Variants in NALCN observed in about 807,000 individuals in gnomAD.
NALCN encodes the protein sodium leak channel NALCN.
Under a neutral mutation model 225.3 loss-of-function variants are expected in NALCN, and 111 were observed. The observed-to-expected ratio is 0.49, with a 90% CI of 0.42 to 0.58. NALCN has a LOEUF of 0.58. Among genes scored for constraint, NALCN ranks in the 20% least tolerant of loss-of-function variants. The pLI is 0.00. For missense variants in NALCN, 1,378 were observed against 2,202.4 expected (o/e 0.63, Z 7.49); for synonymous variants, 764 against 769.0 (o/e 0.99, Z 0.11).
intron 10 of NALCN, among the ~76,000 whole-genome samples, chr13:101,262,382 T>G (rs1160003592): frequency 6.6e-6 from 1 of 152,154 alleles, no homozygotes; most frequent in Non-Finnish European, 1.5e-5. Context: ...AGAGAATACT[T>G]AAATGGAGAG....
chr13:101,128,465 C>T (rs1189372234), intron 17 of NALCN, among the ~76,000 whole-genome samples: 2 of 152,074 alleles, frequency 1.3e-5, no homozygotes, highest in Non-Finnish European at 2.9e-5. Flanking sequence ...GATTTTTTGG[C>T]GATGTCTTCT....
intron 10 of NALCN, among the ~76,000 whole-genome samples, chr13:101,277,483 C>T (rs770749799): frequency 1.1e-4 from 17 of 151,808 alleles, no homozygotes; most frequent in Non-Finnish European, 1.9e-4. Context: ...TCATTTATTC[C>T]GTGAGTCACC....
intron 22 of NALCN, 103 bp downstream of exon 22, chr13:101,107,384 T>G: frequency 6.4e-7 from 1 of 1,563,334 alleles, no homozygotes; most frequent in Non-Finnish European, 8.7e-7. Flanking sequence ...CAGTTTATTT[T>G]GTGACCCCAT....
At chr13:101,205,020 G>A (rs985883638) in intron 13 of NALCN, among the ~76,000 whole-genome samples, 1 of 152,096 alleles carries the variant, frequency 6.6e-6, no homozygotes, top group African/African-American at 2.4e-5. Flanking sequence ...CTTACAGGTA[G>A]CAAATGGTGT....
chr13:101,279,058 G>C (rs1463997749), intron 10 of NALCN, among the ~76,000 whole-genome samples: 2 of 152,160 alleles, frequency 1.3e-5, no homozygotes, highest in African/African-American at 4.8e-5. Flanking sequence ...AAGTGACCAT[G>C]ACTGGTATGG....
intron 18 of NALCN, among the ~76,000 whole-genome samples, chr13:101,117,203 G>A (rs1216704305): frequency 1.3e-5 from 2 of 152,172 alleles, no homozygotes; most frequent in African/African-American, 4.8e-5. Flanking sequence ...ATTGTAGGCA[G>A]AAAATAAAAT....
At chr13:101,236,269 G>A (rs1040270368) in intron 12 of NALCN, among the ~76,000 whole-genome samples, 1 of 152,190 alleles carries the variant, frequency 6.6e-6, no homozygotes, top group African/African-American at 2.4e-5. Context: ...AACAACAGGT[G>A]CTGGAGAGGA....
intron 7 of NALCN, among the ~76,000 whole-genome samples, chr13:101,338,004 C>T (rs1406617754): frequency 6.6e-6 from 1 of 152,144 alleles, no homozygotes; most frequent in Non-Finnish European, 1.5e-5. Context: ...GATGCAAAAC[C>T]TTTTCACTGG....
intron 34 of NALCN, among the ~76,000 whole-genome samples, chr13:101,080,854 T>C (rs948392093): frequency 1.3e-5 from 2 of 151,854 alleles, no homozygotes; most frequent in African/African-American, 4.8e-5. Flanking sequence ...TGTTAAGTGA[T>C]ATCTGTGGCC....
At chr13:101,301,443 C>A (rs1314543624) in intron 7 of NALCN, among the ~76,000 whole-genome samples, 2 of 152,158 alleles carry the variant, frequency 1.3e-5, no homozygotes, top group African/African-American at 2.4e-5. Flanking sequence ...AAAAGAAAGG[C>A]CGGGCGCAGT....
In NALCN at chr13:101,290,530, T is replaced by C. The variant is rs538039261; in HGVS notation, c.1047+1460A>G. Among the ~76,000 whole-genome samples, 3 of 152,350 alleles carry C rather than the reference T, an allele frequency of 2.0e-5. No homozygotes were observed. The South Asian group carries it at 6.2e-4, about 32-fold the overall frequency. On this transcript the variant is annotated intron_variant, in intron 9 of 43. Coordinates refer to ENST00000251127, the MANE Select transcript of NALCN (RefSeq NM_052867.4). ...AGGCTTTTCTACATGGCATTTCTGA[T>C]ATAACCTGGATAGCATATTCAAAAA...
At chr13:101,142,877 C>A (rs764912876) in intron 17 of NALCN, 247 of 636,168 alleles carry the variant, frequency 3.9e-4, no homozygotes, top group Admixed American at 6.2e-4. Context: ...TGGCGCAGCT[C>A]AAAAGCTTAC....
At chr13:101,195,504 T>C (rs997246314) in intron 13 of NALCN, among the ~76,000 whole-genome samples, 1 of 152,254 alleles carries the variant, frequency 6.6e-6, no homozygotes, top group Non-Finnish European at 1.5e-5. Flanking sequence ...AGTTTGACAC[T>C]TTCCTTGCTT....
chr13:101,187,384 T>C (rs947354387), intron 14 of NALCN, among the ~76,000 whole-genome samples: 1 of 152,158 alleles, frequency 6.6e-6, no homozygotes, highest in Admixed American at 6.6e-5. Context: ...AGGACTACTA[T>C]ATATACAATT....
intron 12 of NALCN, among the ~76,000 whole-genome samples, chr13:101,232,932 A>ATAATTCAGTACCTAAC (rs1419207337): frequency 6.6e-6 from 1 of 152,184 alleles, no homozygotes; most frequent in Non-Finnish European, 1.5e-5. Context: ...TCGGACATAA[A>ATAATTCAGTACCTAAC]TAATTCAGTA....
intron 22 of NALCN, among the ~76,000 whole-genome samples, chr13:101,106,760 T>A (rs1018721213): frequency 1.3e-5 from 2 of 152,226 alleles, no homozygotes; most frequent in Non-Finnish European, 2.9e-5. Flanking sequence ...CCACCATGAT[T>A]GAAAGGCTTC....
intron 10 of NALCN, among the ~76,000 whole-genome samples, chr13:101,278,675 G>T (rs2043045767): frequency 6.6e-6 from 1 of 152,114 alleles, no homozygotes; most frequent in African/African-American, 2.4e-5. Flanking sequence ...AGAAGTCAGG[G>T]TTATGTCCTG....
At chr13:101,136,201 TCACA>T (rs994080005) in intron 17 of NALCN, among the ~76,000 whole-genome samples, 1 of 152,204 alleles carries the variant, frequency 6.6e-6, no homozygotes, top group Non-Finnish European at 1.5e-5. Flanking sequence ...GGGTGAGTGC[TCACA>T]CACACAGATA....
Position 101,089,627 on chromosome 13 carries a change from G to T in NALCN, c.3489+36C>A. On this transcript the variant is annotated intron_variant, in intron 30 of 43. Coordinates refer to ENST00000251127, the MANE Select transcript of NALCN (RefSeq NM_052867.4). The surrounding 1 kb of genome is among the most constrained non-coding windows in gnomAD (Gnocchi z 4.7). ...AGCTCAAAGTGAGTGGCTAGAAAAG[G>T]CTAAACCCTGTGGTATCCAAACCAA... 6.3e-7 allele frequency: 1 copy of T among 1,590,226 alleles called. No homozygotes were observed. Among genetic ancestry groups the T allele is most frequent in the Non-Finnish European group, 8.6e-7 (1 of 1,160,914 alleles).
Sources: allele counts gnomAD v4.1 joint callset (sites outside exome capture counted in the v4.1 genomes callset), GRCh38; gene constraint gnomAD v4.1.1; non-coding constraint Gnocchi (gnomAD v3.1); transcripts MANE v1.5; gene names NCBI Gene and HGNC (gene_info 2026-07-23, HGNC 2026-07-21).